The following DHTKD1 variants were observed in gnomAD, a reference collection of about 807,000 sequenced individuals.
DHTKD1 encodes the protein 2-oxoadipate dehydrogenase complex component E1.
DHTKD1 carries 78 observed loss-of-function variants against 101.8 expected under a neutral mutation model. The ratio of observed to expected loss-of-function variants is 0.77; its 90% CI spans 0.64 to 0.93. DHTKD1 has a LOEUF of 0.93. DHTKD1 is among the 40% of genes least tolerant of loss of function. The pLI, the probability that DHTKD1 is intolerant of heterozygous loss-of-function variation, is 0.00. For synonymous variants in DHTKD1, 462 were observed against 450.3 expected, an observed-to-expected ratio of 1.03 and a Z score of -0.33; for missense variants, 1,223 against 1,161.7, an observed-to-expected ratio of 1.05 and a Z score of -0.77.
At chr10:12,100,287 G>GTTTTTTTTTTTTTTGTT in intron 9 of DHTKD1, 25 bp downstream of exon 9, 6 of 269,852 alleles carry the variant, frequency 2.2e-5, no homozygotes, top group African/African-American at 3.7e-5. Flanking sequence ...TTTTTTTTCT[G>GTTTTTTTTTTTTTTGTT]TTTTTTTTTT....
At chr10:12,108,933 C>T (rs535722906) in intron 12 of DHTKD1, among the ~76,000 whole-genome samples, 2 of 152,256 alleles carry the variant, frequency 1.3e-5, no homozygotes, top group African/African-American at 4.8e-5. Context: ...AGGTGGATCA[C>T]TTGAGATCAG....
rs754060548 is a variant in DHTKD1 at position 12,106,279 on chromosome 10, CT to C, written c.1931del (p.Leu644ArgfsTer7). 1 of 1,614,106 alleles carries C rather than the reference CT, an allele frequency of 6.2e-7. No individual in the cohort carries two copies. Among genetic ancestry groups the C allele is most frequent in the Admixed American group, 1.7e-5 (1 of 59,988 alleles). On this transcript the variant is annotated frameshift_variant, in exon 11 of 17. Coordinates refer to ENST00000263035, the MANE Select transcript of DHTKD1 (RefSeq NM_018706.7). LOFTEE classifies it high-confidence loss of function. ...CAGCCCACTGTCAGAAGAGGCCGTCCTGGGATTTGAATATGGGATGAGCATT... is the reference window on the plus strand; with the variant it reads ...CAGCCCACTGTCAGAAGAGGCCGTCCGGGATTTGAATATGGGATGAGCATT... The part of the protein sequence containing the change: ...SNSPLSEEAV[L>X]GFEYGMSIES...
At position 12,087,834 on chromosome 10, in the gene DHTKD1, G is replaced by T; in HGVS notation, c.717+105G>T. On this transcript the variant is annotated intron_variant, in intron 4 of 16. Coordinates refer to ENST00000263035, the MANE Select transcript of DHTKD1 (RefSeq NM_018706.7). This position sits in a 1 kb window ranked among gnomAD's most constrained non-coding sequence, Gnocchi z 5.2. The stretch of plus-strand genomic sequence containing the variant: ...ATAAATGATGGTGATGGTGATGGCC[G>T]GGCACTGTGGCTCACACCTGCAATC... The T allele has an allele frequency of 9.5e-7, 1 of 1,051,950 alleles. No individual in the cohort carries two copies. The highest frequency in any genetic ancestry group is 1.9e-5 in the South Asian group (1 of 53,166). 65.2% of individuals were successfully genotyped at this position (1,051,950 alleles called of 1,614,324 possible).
chr10:12,119,856 C>T (rs1200580311), intron 15 of DHTKD1, among the ~76,000 whole-genome samples: 1 of 152,118 alleles, frequency 6.6e-6, no homozygotes, highest in Non-Finnish European at 1.5e-5. Flanking sequence ...TTGAATACAC[C>T]TAAACTACAA....
intron 1 of DHTKD1, among the ~76,000 whole-genome samples, chr10:12,069,801 T>A (rs572694392): frequency 2.7e-4 from 40 of 145,848 alleles, no homozygotes; most frequent in African/African-American, 9.4e-4. Context: ...GGCCTCCCAA[T>A]GTGTTGGGAT....
rs1298336273 is a variant in DHTKD1, at chr10:12,107,271, C to T, written c.2048-638C>T. 6.6e-6 allele frequency among the ~76,000 whole-genome samples: 1 copy of T among 151,844 alleles called. No homozygotes were observed. Among genetic ancestry groups the T allele is most frequent in the Non-Finnish European group, 1.5e-5 (1 of 67,968 alleles). ...AAAGTGGTGGGATTACGGGTGTGAG[C>T]CACTGTGCCCGGCCGGGAGCTGCCC... On this transcript the variant is annotated intron_variant, in intron 11 of 16. Coordinates refer to ENST00000263035, the MANE Select transcript of DHTKD1 (RefSeq NM_018706.7). The surrounding 1 kb of genome is among the most constrained non-coding windows in gnomAD (Gnocchi z 4.1).
intron 7 of DHTKD1, among the ~76,000 whole-genome samples, chr10:12,095,807 C>G (rs1281676680): frequency 2.7e-5 from 1 of 36,726 alleles, no homozygotes; most frequent in Non-Finnish European, 5.8e-5. Context: ...AGCGAGACTC[C>G]GTCTCAAAAA....
rs1833247282 is a variant in DHTKD1 at position 12,106,353 on chromosome 10, C to A, written c.2004C>A (p.Phe668Leu). 6.2e-6 allele frequency: 10 copies of A among 1,614,166 alleles called. No individual in the cohort carries two copies. The East Asian group carries it at 2.2e-4, about 36-fold the overall frequency. Reference protein sequence around the residue: ...LPLWEAQFGDFFNGAQIIFDT... With the variant: ...LPLWEAQFGDLFNGAQIIFDT... ...TGTGGGAGGCACAGTTTGGCGATTT[C>A]TTCAATGGTGCCCAGATCATCTTTG... Residue 668 changes from phenylalanine to leucine, a missense_variant, in exon 11 of 17, where the codon TTC becomes TTA. Transcript: ENST00000263035.
chr10:12,119,412 A>G (rs113754478), intron 15 of DHTKD1, among the ~76,000 whole-genome samples: 7,352 of 149,846 alleles, frequency 0.049, 191 homozygotes, highest in Middle Eastern at 0.076. Context: ...TCAGGAGATC[A>G]AGACCATCCT....
At chr10:12,074,422 C>T (rs1193171897) in intron 1 of DHTKD1, among the ~76,000 whole-genome samples, 3 of 151,620 alleles carry the variant, frequency 2.0e-5, no homozygotes, top group Non-Finnish European at 4.4e-5. Context: ...GTGGCACGAT[C>T]TCTGCTCACT....
Position 12,107,922 on chromosome 10 carries a change from G to A in DHTKD1, c.2061G>A (p.Trp687Ter). The A allele has an allele frequency of 3.1e-6, 5 of 1,613,400 alleles. No homozygotes were observed. Among genetic ancestry groups the A allele is most frequent in the Middle Eastern group, 1.7e-4 (1 of 6,056 alleles). The change falls in exon 12 of 17, where the codon TGG becomes TGA. Residue 687 changes from tryptophan to a stop codon, truncating the protein, a stop_gained. Transcript: ENST00000263035. LOFTEE classifies it high-confidence loss of function. This position sits in a 1 kb window ranked among gnomAD's most constrained non-coding sequence, Gnocchi z 4.1. ...GTACTTTTCCAGGAGAGGCCAAGTGGCTCCTACAAAGCGGCATCGTCATCC... is the reference window on the plus strand; with the variant it reads ...GTACTTTTCCAGGAGAGGCCAAGTGACTCCTACAAAGCGGCATCGTCATCC... ...DTFISGGEAK[W>*]LLQSGIVILL...
chr10:12,116,247 G>A (rs1833414997), intron 13 of DHTKD1: 1 of 151,404 alleles, frequency 6.6e-6, no homozygotes, highest in Admixed American at 6.6e-5. Context: ...TTAAAATTAT[G>A]TCGTGGCACC....
chr10:12,114,958 G>A (rs1241009025), intron 13 of DHTKD1, among the ~76,000 whole-genome samples: 1 of 152,104 alleles, frequency 6.6e-6, no homozygotes, highest in Non-Finnish European at 1.5e-5. Context: ...ACCACGACCT[G>A]CTAATTTTTT....
At chr10:12,108,134 C>A in intron 12 of DHTKD1, 119 bp downstream of exon 12, 5 of 657,944 alleles carry the variant, frequency 7.6e-6, no homozygotes, top group Non-Finnish European at 1.3e-5. Flanking sequence ...TTGAGTGAAA[C>A]AGATTTGATG....
At chr10:12,086,165 G>A (rs1832893058) in intron 3 of DHTKD1, among the ~76,000 whole-genome samples, 1 of 149,768 alleles carries the variant, frequency 6.7e-6, no homozygotes. Context: ...ACCACACCTG[G>A]CCTTTTAAAC....
intron 2 of DHTKD1, among the ~76,000 whole-genome samples, chr10:12,082,878 G>T (rs1164914210): frequency 6.6e-6 from 1 of 151,796 alleles, no homozygotes; most frequent in Non-Finnish European, 1.5e-5. Flanking sequence ...GGCTCATGCT[G>T]GTAATCCCAG....
At chr10:12,114,416 C>T (rs1367539097) in intron 13 of DHTKD1, among the ~76,000 whole-genome samples, 1 of 151,788 alleles carries the variant, frequency 6.6e-6, no homozygotes, top group Non-Finnish European at 1.5e-5. Flanking sequence ...CCTGCCTCAG[C>T]CTCCTGAGTA....
intron 1 of DHTKD1, among the ~76,000 whole-genome samples, chr10:12,080,105 C>G (rs1444294075): frequency 6.6e-6 from 1 of 151,962 alleles, no homozygotes; most frequent in Non-Finnish European, 1.5e-5. Context: ...ATGGTGAAAC[C>G]CTGTGTCTAC....
chr10:12,096,498 G>A (rs1051370213), intron 7 of DHTKD1, among the ~76,000 whole-genome samples: 4 of 151,982 alleles, frequency 2.6e-5, no homozygotes, highest in Non-Finnish European at 5.9e-5. Flanking sequence ...CGATCCTCCC[G>A]CCTCCACCTC....
Sources: allele counts gnomAD v4.1 joint callset (sites outside exome capture counted in the v4.1 genomes callset), GRCh38; gene constraint gnomAD v4.1.1; non-coding constraint Gnocchi (gnomAD v3.1); transcripts MANE v1.5; gene names NCBI Gene and HGNC (gene_info 2026-07-23, HGNC 2026-07-21).